TMEM132B: variants seen among roughly 807,000 people sequenced by gnomAD.
The protein encoded by TMEM132B is transmembrane protein 132B.
A neutral mutation model predicts 90.8 loss-of-function variants in TMEM132B; 18 were observed. That is an observed-to-expected ratio of 0.20 (90% CI 0.14 to 0.29). TMEM132B has a LOEUF of 0.29. Ranked by LOEUF, TMEM132B falls within the 10% of genes least tolerant of loss-of-function variation. TMEM132B has a pLI of 1.00. For missense variants in TMEM132B, 1,096 were observed against 1,326.8 expected, an observed-to-expected ratio of 0.83 and a Z score of 2.70; for synonymous variants, 504 against 523.3, an observed-to-expected ratio of 0.96 and a Z score of 0.50.
intron 2 of TMEM132B, among the ~76,000 whole-genome samples, chr12:125,353,144 A>C (rs1437442280): frequency 6.6e-6 from 1 of 152,056 alleles, no homozygotes; most frequent in African/African-American, 2.4e-5. Flanking sequence ...TCCCTCTACC[A>C]TGGCAGACAT....
At chr12:125,368,692 T>C (rs1008142155) in intron 2 of TMEM132B, among the ~76,000 whole-genome samples, 1 of 152,190 alleles carries the variant, frequency 6.6e-6, no homozygotes, top group Non-Finnish European at 1.5e-5. Flanking sequence ...TTTGTTCCTA[T>C]AGGACACATG....
intron 3 of TMEM132B, among the ~76,000 whole-genome samples, chr12:125,457,480 C>T (rs954422658): frequency 1.3e-5 from 2 of 152,174 alleles, no homozygotes; most frequent in African/African-American, 4.8e-5. Flanking sequence ...TAACGTCAGC[C>T]AGAATGTGAG....
intron 1 of TMEM132B, among the ~76,000 whole-genome samples, chr12:125,337,870 A>G (rs1435868161): frequency 6.6e-6 from 1 of 152,174 alleles, no homozygotes; most frequent in Admixed American, 6.5e-5. Flanking sequence ...CCATTCCTCT[A>G]TATCCTTGAT....
chr12:125,302,871 C>T (rs1490659106), intron 1 of TMEM132B, among the ~76,000 whole-genome samples: 8 of 152,026 alleles, frequency 5.3e-5, no homozygotes, highest in Admixed American at 2.0e-4. Flanking sequence ...CCGAGGTGGG[C>T]GGATCACTTG....
intron 1 of TMEM132B, among the ~76,000 whole-genome samples, chr12:125,234,346 C>T (rs1016825537): frequency 8.5e-5 from 13 of 152,164 alleles, no homozygotes; most frequent in Admixed American, 5.2e-4. Context: ...TTTTCCATGG[C>T]GCTTCCTCCC....
At chr12:125,234,265 C>T (rs903962244) in intron 1 of TMEM132B, among the ~76,000 whole-genome samples, 1 of 152,192 alleles carries the variant, frequency 6.6e-6, no homozygotes, top group African/African-American at 2.4e-5. Context: ...TTTTCCTGAT[C>T]ACACAATTCT....
At chr12:125,302,537 A>C (rs1401421033) in intron 1 of TMEM132B, among the ~76,000 whole-genome samples, 1 of 152,140 alleles carries the variant, frequency 6.6e-6, no homozygotes, top group Non-Finnish European at 1.5e-5. Context: ...CAGTACAGAC[A>C]CACAATCTAT....
At chr12:125,505,183 A>AAAC (rs1882810907) in intron 3 of TMEM132B, among the ~76,000 whole-genome samples, 1 of 143,614 alleles carries the variant, frequency 7.0e-6, no homozygotes, top group African/African-American at 2.6e-5. Flanking sequence ...AAAAAAAAAA[A>AAAC]AAAAAAAAAA....
At chr12:125,217,098 A>T (rs1329603138) in intron 1 of TMEM132B, among the ~76,000 whole-genome samples, 1 of 152,254 alleles carries the variant, frequency 6.6e-6, no homozygotes, top group Non-Finnish European at 1.5e-5. Flanking sequence ...TTGTGTAATT[A>T]GCAACATACG....
At chr12:125,515,490 C>G (rs1224258446) in intron 3 of TMEM132B, among the ~76,000 whole-genome samples, 1 of 138,262 alleles carries the variant, frequency 7.2e-6, no homozygotes, top group African/African-American at 2.5e-5. Context: ...GTCACACTCA[C>G]ACACATACAT....
In TMEM132B at chr12:125,654,588, C is replaced by G; in HGVS notation, c.3130C>G (p.Pro1044Ala). The change falls in exon 9 of 9, where the codon CCA (proline) becomes GCA (alanine). Residue 1044 changes from proline to alanine, a missense_variant. By Grantham distance (27) the Pro-to-Ala change is conservative. Transcript: ENST00000682704. This position sits in a 1 kb window ranked among gnomAD's most constrained non-coding sequence, Gnocchi z 5.8. ...YTTILPEDGGPYTNSILFDSD... is the reference protein window; with the variant it reads ...YTTILPEDGGAYTNSILFDSD... ...CACCATCCTCCCAGAGGACGGCGGC[C>G]CATACACCAACTCCATCCTGTTTGA... 1 of 1,614,188 alleles carries G rather than the reference C, an allele frequency of 6.2e-7. No individual in the cohort carries two copies. The highest frequency in any genetic ancestry group is 8.5e-7 in the Non-Finnish European group (1 of 1,180,032).
intron 2 of TMEM132B, among the ~76,000 whole-genome samples, chr12:125,376,001 A>G (rs551687331): frequency 6.6e-6 from 1 of 152,344 alleles, no homozygotes; most frequent in East Asian, 1.9e-4. Context: ...GTGCTGAGGT[A>G]GCACTGAATT....
intron 4 of TMEM132B, among the ~76,000 whole-genome samples, chr12:125,552,975 G>C (rs182741369): frequency 1.3e-5 from 2 of 152,360 alleles, no homozygotes; most frequent in African/African-American, 4.8e-5. Flanking sequence ...TAGGACTGCT[G>C]AGTAAGGTTG....
intron 4 of TMEM132B, among the ~76,000 whole-genome samples, chr12:125,540,456 C>T (rs868294106): frequency 6.6e-6 from 1 of 152,106 alleles, no homozygotes; most frequent in African/African-American, 2.4e-5. Context: ...TGTTGTAGTT[C>T]TATCAGATTT....
chr12:125,230,104 G>A (rs1873783425), intron 1 of TMEM132B, among the ~76,000 whole-genome samples: 1 of 152,216 alleles, frequency 6.6e-6, no homozygotes, highest in South Asian at 2.1e-4. Context: ...AAGGAGGACT[G>A]GAGCCCGGGC....
At chr12:125,431,511 T>C (rs914092782) in intron 3 of TMEM132B, among the ~76,000 whole-genome samples, 2 of 152,164 alleles carry the variant, frequency 1.3e-5, no homozygotes, top group Non-Finnish European at 2.9e-5. Flanking sequence ...GAAATCGTAC[T>C]GAGCGACGTG....
chr12:125,503,940 T>C (rs924493026), intron 3 of TMEM132B, among the ~76,000 whole-genome samples: 2 of 152,322 alleles, frequency 1.3e-5, no homozygotes, highest in Middle Eastern at 3.4e-3. Flanking sequence ...ATTTTTTCTA[T>C]TTGTAGTTGG....
At position 125,656,291 on chromosome 12, in the gene TMEM132B, C is replaced by T. The variant is rs927602544; in HGVS notation, c.*1581C>T. On this transcript the variant is annotated 3_prime_UTR_variant, in exon 9 of 9. Coordinates refer to ENST00000682704, the MANE Select transcript of TMEM132B (RefSeq NM_001366854.1). ...AAAGGCCCAAAGTAGGAAGGATCTG[C>T]AGGGGGTCACCTGAAGCAGTGCCCT... is the stretch of plus-strand genomic sequence containing the variant. 1 of 152,174 alleles carries T rather than the reference C, an allele frequency of 6.6e-6. No individual in the cohort carries two copies. 9.4% of individuals were successfully genotyped at this position (152,174 alleles called of 1,614,324 possible). A position where few individuals can be genotyped will look rare whatever the true frequency, so the allele number is the denominator to read the frequency against.
intron 1 of TMEM132B, among the ~76,000 whole-genome samples, chr12:125,187,565 C>A (rs577004900): frequency 6.6e-6 from 1 of 152,348 alleles, no homozygotes; most frequent in South Asian, 2.1e-4. Flanking sequence ...GCCTGGAACG[C>A]GGTGCTGTCC....
Sources: allele counts gnomAD v4.1 joint callset (sites outside exome capture counted in the v4.1 genomes callset), GRCh38; gene constraint gnomAD v4.1.1; non-coding constraint Gnocchi (gnomAD v3.1); transcripts MANE v1.5; gene names NCBI Gene and HGNC (gene_info 2026-07-23, HGNC 2026-07-21).